A2M: variants seen among roughly 807,000 people sequenced by gnomAD.
A2M encodes alpha-2-macroglobulin.
A2M carries 128 observed loss-of-function variants against 183.9 expected under a neutral mutation model. The ratio of observed to expected loss-of-function variants is 0.70; its 90% CI spans 0.60 to 0.81. A2M has a LOEUF of 0.81. Ranked by LOEUF, A2M falls within the 30% of genes least tolerant of loss-of-function variation. The pLI is 0.00. For missense variants in A2M, 1,495 were observed against 1,787.6 expected (o/e 0.84, Z 2.95); for synonymous variants, 592 against 670.8 (o/e 0.88, Z 1.81).
Position 9,095,519 on chromosome 12 carries a change from C to T in A2M, c.2013+20G>A. The T allele has an allele frequency of 6.2e-7, 1 of 1,602,874 alleles. No individual in the cohort carries two copies. Among genetic ancestry groups the T allele is most frequent in the Non-Finnish European group, 8.5e-7 (1 of 1,171,892 alleles). ...TTTAAGAAGCTTAAGATCAGACCATCTGCAACATAAGGAGTTTACCTCTAG... is the reference window on the plus strand; with the variant it reads ...TTTAAGAAGCTTAAGATCAGACCATTTGCAACATAAGGAGTTTACCTCTAG... On this transcript the variant is annotated intron_variant, in intron 16 of 35. Coordinates refer to ENST00000318602, the MANE Select transcript of A2M (RefSeq NM_000014.6).
In A2M at chr12:9,115,914, G is replaced by GCAC. The variant is rs762521108; in HGVS notation, c.-66_-65insGTG. ...GTACCCTACTCCCTACAATCCATCT[G>GCAC]GTCCCAAACACTTCCCAAAGCAACT... On this transcript the variant is annotated 5_prime_UTR_variant, in exon 1 of 36. Transcript: ENST00000318602. 1.4e-5 allele frequency: 19 copies of GCAC among 1,371,286 alleles called. No individual in the cohort carries two copies. The highest frequency in any genetic ancestry group is 1.9e-5 in the Non-Finnish European group (18 of 960,930). 84.9% of individuals were successfully genotyped at this position (1,371,286 alleles called of 1,614,324 possible).
At chr12:9,098,859 T>C (rs1949468336) in intron 14 of A2M, 103 bp from the exon 15 acceptor site, 2 of 1,326,536 alleles carry the variant, frequency 1.5e-6, no homozygotes, top group Non-Finnish European at 2.1e-6. Flanking sequence ...ATAACCACTC[T>C]GCTTGACTTC....
intron 19 of A2M, 97 bp downstream of exon 19, chr12:9,091,104 C>T (rs879518751): frequency 4.5e-5 from 62 of 1,365,114 alleles, no homozygotes; most frequent in Non-Finnish European, 6.3e-5. Context: ...ATCTAGTAAG[C>T]ATATTTTGCA....
chr12:9,072,966 T>G (rs1800690874), intron 29 of A2M, 95 bp from the exon 30 acceptor site: 1 of 904,176 alleles, frequency 1.1e-6, no homozygotes, highest in Non-Finnish European at 1.7e-6. Flanking sequence ...GACTTTGATT[T>G]CCTACTTCCC....
Position 9,090,345 on chromosome 12 carries a change from T to C in A2M, c.2596+11A>G, listed in dbSNP as rs769103148. On this transcript the variant is annotated intron_variant, in intron 20 of 35. Transcript: ENST00000318602. ...TGAGTAGAGAATTATCTCTAGCAGT[T>C]TTTTGCTCACCTAATGACTTTGGGG... 6.2e-7 allele frequency: 1 copy of C among 1,613,930 alleles called. No homozygotes were observed. The highest frequency in any genetic ancestry group is 8.5e-7 in the Non-Finnish European group (1 of 1,179,858).
rs1249715519 is a variant in A2M at position 9,109,325 on chromosome 12, C to T, written c.754G>A (p.Gly252Ser). Reference protein sequence around the residue: ...LEEEMNVSVCGLYTYGKPVPG... With the variant: ...LEEEMNVSVCSLYTYGKPVPG... ...ATTTTTAAAAAATGAACTCACAGGC[C>T]ACACACTGATACATTCATCTCTTCT... is the stretch of plus-strand genomic sequence containing the variant. The change falls in exon 7 of 36, where the codon GGC becomes AGC. Residue 252 changes from glycine to serine, a missense_variant. Physicochemically the swap from Gly to Ser is moderately conservative, Grantham distance 56. Transcript: ENST00000318602. 1 of 1,610,668 alleles carries T rather than the reference C, an allele frequency of 6.2e-7. No homozygotes were observed. Among genetic ancestry groups the T allele is most frequent in the Non-Finnish European group, 8.5e-7 (1 of 1,177,320 alleles).
intron 15 of A2M, among the ~76,000 whole-genome samples, chr12:9,097,134 T>G (rs1160164291): frequency 1.3e-5 from 2 of 152,186 alleles, no homozygotes; most frequent in Non-Finnish European, 2.9e-5. Context: ...AATTATAAAA[T>G]TATATTATAA....
chr12:9,107,555 G>A lies in A2M; in HGVS notation c.848C>T (p.Ser283Leu), dbSNP rs1938390898. Reference sequence around the variant, plus strand: ...ACTGAATTTCTCACAGAAAGCCTGTGAATCTTCACCGTGGCAGTCGGAAGC... The same window carrying A: ...ACTGAATTTCTCACAGAAAGCCTGTAAATCTTCACCGTGGCAGTCGGAAGC... ...SDASDCHGED[S>L]QAFCEKFSGQ... The change falls in exon 8 of 36, where the codon TCA (serine) becomes TTA (leucine). Residue 283 changes from serine (S) to leucine (L), a missense_variant. Coordinates refer to ENST00000318602, the MANE Select transcript of A2M (RefSeq NM_000014.6). The A allele has an allele frequency of 6.2e-7, 1 of 1,613,924 alleles. No individual in the cohort carries two copies. Among genetic ancestry groups the A allele is most frequent in the Non-Finnish European group, 8.5e-7 (1 of 1,179,864 alleles).
At chr12:9,086,002 A>C (rs1949042171) in intron 22 of A2M, among the ~76,000 whole-genome samples, 1 of 152,220 alleles carries the variant, frequency 6.6e-6, no homozygotes, top group Non-Finnish European at 1.5e-5. Flanking sequence ...ATCAGTAATA[A>C]AAAGTTTTCC....
intron 15 of A2M, 177 bp downstream of exon 15, chr12:9,098,426 GTAGT>G (rs907451096): frequency 6.7e-5 from 24 of 357,212 alleles, no homozygotes; most frequent in African/African-American, 5.7e-4. Flanking sequence ...GCAGAAGTGA[GTAGT>G]TATATATATA....
chr12:9,067,797 C>G lies in A2M; in HGVS notation c.*26G>C, dbSNP rs776554019. ...TGGAGCTCTGAGAACAGGACTCCAG[C>G]AAAGCACTTTTCAGCCTTGTGGTCT... On this transcript the variant is annotated 3_prime_UTR_variant, in exon 36 of 36. Transcript: ENST00000318602. The G allele has an allele frequency of 3.1e-6, 5 of 1,611,678 alleles. No individual in the cohort carries two copies. The East Asian group carries it at 1.1e-4, about 36-fold the overall frequency.
Position 9,113,452 on chromosome 12 carries a change from C to T in A2M, c.178G>A (p.Val60Ile), listed in dbSNP as rs917045317. 1.9e-6 allele frequency: 3 copies of T among 1,613,938 alleles called. No homozygotes were observed. The highest frequency in any genetic ancestry group is 2.5e-6 in the Non-Finnish European group (3 of 1,179,952). ...CTGACAGACTCCAAGGAAGCACTTA[C>T]AGTCACTGTCTCATTCAGGTAGCTC... ...LLSYLNETVT[V>I]SASLESVRGN... Residue 60 changes from valine to isoleucine, a missense_variant, in exon 2 of 36, where the codon GTA (valine) becomes ATA (isoleucine). Coordinates refer to ENST00000318602, the MANE Select transcript of A2M (RefSeq NM_000014.6).
chr12:9,068,683 C>T, intron 34 of A2M, 57 bp downstream of exon 34: 2 of 1,372,964 alleles, frequency 1.5e-6, no homozygotes, highest in Non-Finnish European at 2.0e-6. Context: ...ATCTCCTAAA[C>T]CTGAATTTCT....
At chr12:9,069,858 C>A in intron 32 of A2M, 45 bp from the exon 33 acceptor site, 2 of 1,560,812 alleles carry the variant, frequency 1.3e-6, no homozygotes, top group Non-Finnish European at 1.8e-6. Context: ...ATAGATGAAA[C>A]CCCTGGGGGA....
chr12:9,114,530 A>C (rs1938978215), intron 1 of A2M, among the ~76,000 whole-genome samples: 1 of 152,060 alleles, frequency 6.6e-6, no homozygotes, highest in African/African-American at 2.4e-5. Context: ...AATTCTTTTA[A>C]TGGTCTGATA....
chr12:9,087,242 A>ATGTC (rs3080603), intron 22 of A2M, among the ~76,000 whole-genome samples: 81,005 of 151,558 alleles, frequency 0.53, 22,751 homozygotes, highest in African/African-American at 0.69. Flanking sequence ...CAAATTACTG[A>ATGTC]TGTCTAGTTA....
In A2M at chr12:9,068,786, T is replaced by C; in HGVS notation, c.4320A>G (p.Arg1440=). Residue 1440 remains arginine, a synonymous_variant, in exon 34 of 36, where the codon AGA becomes AGG. Transcript: ENST00000318602. ...CTTTCACTATGGCTGGTTTCAGATC[T>C]CTTACTGGGACATCTTGCAGAACCG... ...FFTVLQDVPV[R]DLKPAIVKVY... 2 of 1,609,516 alleles carry C rather than the reference T, an allele frequency of 1.2e-6. No homozygotes were observed. Among genetic ancestry groups the C allele is most frequent in the East Asian group, 4.5e-5 (2 of 44,818 alleles).
intron 31 of A2M, among the ~76,000 whole-genome samples, chr12:9,071,748 C>T (rs2137640978): frequency 6.6e-6 from 1 of 152,322 alleles, no homozygotes; most frequent in South Asian, 2.1e-4. Flanking sequence ...CCATCTCCAT[C>T]CATGTTCCTG....
intron 22 of A2M, among the ~76,000 whole-genome samples, chr12:9,088,428 A>G (rs226412): frequency 0.064 from 9,752 of 152,194 alleles, 1,046 homozygotes; most frequent in African/African-American, 0.22. Context: ...GGATTGAATG[A>G]TAGGTAATCA....
Sources: gnomAD v4.1 joint callset for allele counts (sites outside exome capture counted in the v4.1 genomes callset) on GRCh38, gnomAD v4.1.1 for gene constraint, MANE v1.5 for transcripts, NCBI Gene and HGNC (gene_info 2026-07-23, HGNC 2026-07-21) for gene names.